The following PCDHGA3 variants were observed in gnomAD, a reference collection of about 807,000 sequenced individuals.
PCDHGA3 encodes protocadherin gamma-A3.
Under a neutral mutation model 58.5 loss-of-function variants are expected in PCDHGA3, and 40 were observed. The ratio of observed to expected loss-of-function variants is 0.68; its 90% confidence interval spans 0.53 to 0.89. The LOEUF (loss-of-function observed/expected upper bound fraction) is 0.89, where lower values mean the gene tolerates loss of function less well. Ranked by LOEUF, PCDHGA3 falls within the 40% of genes least tolerant of loss-of-function variation. PCDHGA3 has a pLI of 0.00. For missense variants in PCDHGA3, 1,223 were observed against 1,195.9 expected (o/e 1.02, Z -0.33); for synonymous variants, 530 against 525.7 (o/e 1.01, Z -0.11).
chr5:141,399,570 C>T (rs1297172097), intron 1 of PCDHGA3: 1 of 1,614,044 alleles, frequency 6.2e-7, no homozygotes, highest in Non-Finnish European at 8.5e-7. Context: ...GGTTGAACGG[C>T]CAAGTCTCCT....
At chr5:141,346,851 C>T (rs976506085) in intron 1 of PCDHGA3, among the ~76,000 whole-genome samples, 1 of 152,082 alleles carries the variant, frequency 6.6e-6, no homozygotes, top group Non-Finnish European at 1.5e-5. Flanking sequence ...ATTTTAAATC[C>T]CTGTGCTTTG....
chr5:141,451,745 G>T (rs562443882), intron 1 of PCDHGA3, among the ~76,000 whole-genome samples: 36 of 152,242 alleles, frequency 2.4e-4, no homozygotes, highest in Middle Eastern at 3.4e-3. Context: ...AGCTGGTCTG[G>T]TGGTGCATGC....
rs759899934 is a variant in PCDHGA3, at chr5:141,421,255, C to G, written c.2425-73552C>G. The stretch of plus-strand genomic sequence containing the variant: ...GGCGAATCGGCTACAGCGCGGGGAC[C>G]GCAGTCGGCTGCTGCTGCTGCTGTG... On this transcript the variant is annotated intron_variant, in intron 1 of 3. Coordinates refer to ENST00000253812, the MANE Select transcript of PCDHGA3 (RefSeq NM_018916.4). The G allele has an allele frequency of 6.0e-5, 97 of 1,607,644 alleles. No individual in the cohort carries two copies. Among genetic ancestry groups the G allele is most frequent in the Middle Eastern group, 3.3e-4 (2 of 6,058 alleles).
At chr5:141,370,927 T>A in intron 1 of PCDHGA3, 2 of 1,613,940 alleles carry the variant, frequency 1.2e-6, no homozygotes, top group Non-Finnish European at 1.7e-6. Context: ...GATCCGCACT[T>A]CTCTTTGATT....
At chr5:141,362,100 C>T (rs1266729746) in intron 1 of PCDHGA3, 26 of 1,613,752 alleles carry the variant, frequency 1.6e-5, no homozygotes, top group Non-Finnish European at 1.9e-5. Context: ...CGCCACTCTC[C>T]GCTACGGCCA....
chr5:141,501,132 G>T (rs371444727), intron 2 of PCDHGA3, among the ~76,000 whole-genome samples: 2 of 152,262 alleles, frequency 1.3e-5, no homozygotes, highest in East Asian at 3.9e-4. Flanking sequence ...CTCCCTAAGT[G>T]CTGGGATTAC....
At chr5:141,383,064 G>A (rs1384491005) in intron 1 of PCDHGA3, 1 of 1,613,928 alleles carries the variant, frequency 6.2e-7, no homozygotes, top group Non-Finnish European at 8.5e-7. Flanking sequence ...TGGGGCTGGA[G>A]CCCCGGGAGC....
intron 1 of PCDHGA3, chr5:141,388,870 G>T (rs1196888001): frequency 4.3e-6 from 7 of 1,613,964 alleles, no homozygotes; most frequent in Non-Finnish European, 5.9e-6. Flanking sequence ...ATTGCGCAAT[G>T]CACAGTGGAG....
At chr5:141,433,352 T>G (rs976015031) in intron 1 of PCDHGA3, 1 of 614,162 alleles carries the variant, frequency 1.6e-6, no homozygotes, top group Admixed American at 3.0e-5. Flanking sequence ...AGCCACCTAC[T>G]GTCTGCCTAT....
intron 1 of PCDHGA3, chr5:141,372,483 GC>G (rs762661083): frequency 1.9e-6 from 3 of 1,614,028 alleles, no homozygotes; most frequent in Non-Finnish European, 2.5e-6. Flanking sequence ...AGTGGCGTTG[GC>G]CTTGATCTCA....
chr5:141,384,769 G>C (rs778610936), intron 1 of PCDHGA3: 1 of 1,613,914 alleles, frequency 6.2e-7, no homozygotes, highest in Non-Finnish European at 8.5e-7. Context: ...GCTGTACACG[G>C]GCGAGGTGCG....
chr5:141,417,969 T>G, intron 1 of PCDHGA3: 1 of 1,613,768 alleles, frequency 6.2e-7, no homozygotes, highest in Non-Finnish European at 8.5e-7. Flanking sequence ...CGCTACTCGA[T>G]TCCGGAGGAG....
intron 1 of PCDHGA3, among the ~76,000 whole-genome samples, chr5:141,453,357 C>T (rs1027586816): frequency 1.3e-5 from 2 of 152,002 alleles, no homozygotes; most frequent in Admixed American, 6.6e-5. Flanking sequence ...TGACCCTGAA[C>T]TCCTGGGGTC....
rs151239937 is a variant in PCDHGA3, at chr5:141,485,980, G to A, written c.2425-8827G>A. 1.9e-6 allele frequency: 3 copies of A among 1,614,020 alleles called. No homozygotes were observed. The highest frequency in any genetic ancestry group is 2.5e-6 in the Non-Finnish European group (3 of 1,180,004). Reference sequence around the variant, plus strand: ...TCATCCAGCTCAATGCCTCAGACCCGGACCTGGGTCCCAGTGGTAACGTCA... The same window carrying A: ...TCATCCAGCTCAATGCCTCAGACCCAGACCTGGGTCCCAGTGGTAACGTCA... On this transcript the variant is annotated intron_variant, in intron 1 of 3. Coordinates refer to ENST00000253812, the MANE Select transcript of PCDHGA3 (RefSeq NM_018916.4). The surrounding 1 kb of genome is among the most constrained non-coding windows in gnomAD (Gnocchi z 5.7).
At chr5:141,410,364 C>A in intron 1 of PCDHGA3, 1 of 1,614,064 alleles carries the variant, frequency 6.2e-7, no homozygotes, top group Non-Finnish European at 8.5e-7. Flanking sequence ...TCTCTCAGCC[C>A]TGCTACTTGG....
In PCDHGA3 at chr5:141,432,540, T is replaced by C. The variant is rs147884705; in HGVS notation, c.2425-62267T>C. The C allele has an allele frequency of 1.2e-6, 2 of 1,613,726 alleles. No homozygotes were observed. The highest frequency in any genetic ancestry group is 2.2e-5 in the South Asian group (2 of 91,058). On this transcript the variant is annotated intron_variant, in intron 1 of 3. Transcript: ENST00000253812. The surrounding 1 kb of genome is among the most constrained non-coding windows in gnomAD (Gnocchi z 6.0). ...TACCTGGTGACCAAGGTGGTGGCGG[T>C]GGACAGAGACTCCGGCCAGAACGCC...
rs1310227506 is a variant in PCDHGA3, at chr5:141,432,214, CCAGATCACTTATTCCCTGG to C, written c.2425-62591_2425-62573del. ...ACGACCCCGACTGTGAAGAGAACGC[CCAGATCACTTATTCCCTGG>C]CTGAGAACACCATCCAAGGGGCAAG... is the stretch of plus-strand genomic sequence containing the variant. On this transcript the variant is annotated intron_variant, in intron 1 of 3. Transcript: ENST00000253812. This position sits in a 1 kb window ranked among gnomAD's most constrained non-coding sequence, Gnocchi z 6.0. 3.1e-6 allele frequency: 5 copies of C among 1,614,236 alleles called. No homozygotes were observed. The highest frequency in any genetic ancestry group is 4.2e-6 in the Non-Finnish European group (5 of 1,180,050).
intron 1 of PCDHGA3, chr5:141,350,797 G>C (rs746796128): frequency 1.9e-6 from 3 of 1,613,996 alleles, no homozygotes; most frequent in Non-Finnish European, 2.5e-6. Context: ...CTCTGTCAAC[G>C]AAGGAAAGTC....
chr5:141,424,408 T>G (rs942542788), intron 1 of PCDHGA3: 1 of 152,224 alleles, frequency 6.6e-6, no homozygotes, highest in Non-Finnish European at 1.5e-5. Flanking sequence ...TATGGTGAAG[T>G]TACATTGACT....
Sources: allele counts gnomAD v4.1 joint callset (sites outside exome capture counted in the v4.1 genomes callset), GRCh38; gene constraint gnomAD v4.1.1; non-coding constraint Gnocchi (gnomAD v3.1); transcripts MANE v1.5; gene names NCBI Gene and HGNC (gene_info 2026-07-23, HGNC 2026-07-21).